Variants in EYS observed in about 807,000 individuals in gnomAD.
The protein encoded by EYS is protein eyes shut homolog.
A neutral mutation model predicts 282.1 loss-of-function variants in EYS; 250 were observed. The ratio of observed to expected loss-of-function variants is 0.89; its 90% CI spans 0.80 to 0.98. EYS has a LOEUF of 0.98. Among genes scored for constraint, EYS ranks in the 50% least tolerant of loss-of-function variants. EYS has a pLI of 0.00. For missense variants in EYS, 4,016 were observed against 3,709.0 expected, an observed-to-expected ratio of 1.08 and a Z score of -2.15; for synonymous variants, 1,355 against 1,282.9, an observed-to-expected ratio of 1.06 and a Z score of -1.20.
intron 14 of EYS, among the ~76,000 whole-genome samples, chr6:64,965,131 C>T (rs1006432049): frequency 1.3e-5 from 2 of 152,084 alleles, no homozygotes; most frequent in Non-Finnish European, 2.9e-5. Flanking sequence ...AATATTAAAA[C>T]TGCAAAATTG....
At chr6:65,601,869 A>G (rs1765627748) in intron 2 of EYS, among the ~76,000 whole-genome samples, 1 of 151,996 alleles carries the variant, frequency 6.6e-6, no homozygotes, top group South Asian at 2.1e-4. Flanking sequence ...ATCAAAACAT[A>G]TAATTAGTTT....
At chr6:64,089,422 T>C (rs1385764974) in intron 31 of EYS, among the ~76,000 whole-genome samples, 2 of 149,578 alleles carry the variant, frequency 1.3e-5, no homozygotes, top group Non-Finnish European at 3.0e-5. Context: ...TTTATAATTT[T>C]CAGTGATTAC....
chr6:65,017,694 CTCATA>C (rs1772099263), intron 13 of EYS, among the ~76,000 whole-genome samples: 1 of 152,194 alleles, frequency 6.6e-6, no homozygotes, highest in Non-Finnish European at 1.5e-5. Flanking sequence ...TCACTCCACA[CTCATA>C]TCTGAGCACA....
At chr6:64,229,229 C>A (rs1426072549) in intron 31 of EYS, among the ~76,000 whole-genome samples, 2 of 152,114 alleles carry the variant, frequency 1.3e-5, no homozygotes, top group African/African-American at 2.4e-5. Context: ...GAGCCAAGAT[C>A]ATGCCATTGC....
At chr6:64,371,511 A>T (rs1228364918) in intron 29 of EYS, among the ~76,000 whole-genome samples, 3 of 152,040 alleles carry the variant, frequency 2.0e-5, no homozygotes, top group African/African-American at 7.2e-5. Flanking sequence ...GGAGAGTTCT[A>T]TAGTATGTTT....
At chr6:65,183,747 T>C (rs1765449542) in intron 12 of EYS, among the ~76,000 whole-genome samples, 1 of 151,858 alleles carries the variant, frequency 6.6e-6, no homozygotes, top group Admixed American at 6.6e-5. Context: ...AAATGTGTCA[T>C]ATAGATGGAG....
intron 5 of EYS, among the ~76,000 whole-genome samples, chr6:65,456,384 A>T (rs1268657880): frequency 6.6e-6 from 1 of 151,424 alleles, no homozygotes; most frequent in East Asian, 2.0e-4. Context: ...TGAGAGGCGG[A>T]GGTTGCAGTG....
intron 10 of EYS, among the ~76,000 whole-genome samples, chr6:65,343,534 C>A (rs1303578381): frequency 6.6e-6 from 1 of 151,004 alleles, no homozygotes; most frequent in East Asian, 2.0e-4. Flanking sequence ...AAAAGGAGGG[C>A]CTCTCTTTTA....
At chr6:64,730,012 G>A (rs1271450305) in intron 22 of EYS, among the ~76,000 whole-genome samples, 1 of 152,158 alleles carries the variant, frequency 6.6e-6, no homozygotes, top group African/African-American at 2.4e-5. Flanking sequence ...AAAAATCTTA[G>A]GAATGTTATT....
At chr6:64,647,774 G>A (rs891286578) in intron 22 of EYS, among the ~76,000 whole-genome samples, 1 of 151,694 alleles carries the variant, frequency 6.6e-6, no homozygotes, top group Non-Finnish European at 1.5e-5. Flanking sequence ...TACTTCAAAC[G>A]GCATTTGTTA....
intron 12 of EYS, among the ~76,000 whole-genome samples, chr6:65,119,162 C>T (rs1775458123): frequency 6.6e-6 from 1 of 152,102 alleles, no homozygotes; most frequent in Non-Finnish European, 1.5e-5. Flanking sequence ...TACTTTTATA[C>T]ACTTAAAGCT....
chr6:65,466,564 C>T lies in EYS; in HGVS notation c.862+24030G>A, dbSNP rs1053340474. Among the ~76,000 whole-genome samples the T allele has an allele frequency of 3.2e-4, 49 of 151,454 alleles. 1 individual carries two copies. Among genetic ancestry groups the T allele is most frequent in the African/African-American group, 1.1e-3 (47 of 41,292 alleles). ...CACTGTTACAACCATTTACTACTGTCCTAGAGGTCTTGGTCAAACCAAAAT... is the reference window on the plus strand; with the variant it reads ...CACTGTTACAACCATTTACTACTGTTCTAGAGGTCTTGGTCAAACCAAAAT... On this transcript the variant is annotated intron_variant, in intron 5 of 42. Transcript: ENST00000503581.
intron 30 of EYS, among the ~76,000 whole-genome samples, chr6:64,238,310 G>C (rs1374920247): frequency 6.6e-6 from 1 of 152,094 alleles, no homozygotes; most frequent in Non-Finnish European, 1.5e-5. Flanking sequence ...CAGTATGAAG[G>C]GTGGATATTT....
intron 30 of EYS, among the ~76,000 whole-genome samples, chr6:64,266,408 C>T (rs1347083579): frequency 1.3e-5 from 2 of 151,988 alleles, no homozygotes; most frequent in South Asian, 4.2e-4. Flanking sequence ...TAAAAAAACC[C>T]GAGTGAGTAA....
intron 26 of EYS, among the ~76,000 whole-genome samples, chr6:64,453,951 T>C (rs1310122142): frequency 6.6e-6 from 1 of 151,968 alleles, no homozygotes; most frequent in African/African-American, 2.4e-5. Flanking sequence ...GGCACATATA[T>C]ACATATGTAA....
At position 64,032,525 on chromosome 6, in the gene EYS, A is replaced by G. The variant is rs145078419; in HGVS notation, c.6726-33342T>C. Among the ~76,000 whole-genome samples the G allele has an allele frequency of 9.2e-3, 1,406 of 152,290 alleles. 7 individuals are homozygous for G. Among genetic ancestry groups the G allele is most frequent in the Non-Finnish European group, 0.013 (895 of 68,024 alleles). On this transcript the variant is annotated intron_variant, in intron 33 of 42. Transcript: ENST00000503581. ...TCCTACAATTTAACTCAGTTCTGAC[A>G]CTATCTGGAGTTAGCACAGACCCTA...
chr6:65,340,520 G>C (rs563044027), intron 10 of EYS, among the ~76,000 whole-genome samples: 2 of 151,026 alleles, frequency 1.3e-5, no homozygotes, highest in African/African-American at 4.8e-5. Context: ...ACATAAGACT[G>C]TGAACCAACT....
intron 10 of EYS, among the ~76,000 whole-genome samples, chr6:65,341,085 G>A (rs1055314783): frequency 4.0e-5 from 6 of 151,120 alleles, no homozygotes; most frequent in African/African-American, 7.3e-5. Context: ...TTTCAGGTGA[G>A]TCTATAAGAG....
intron 26 of EYS, among the ~76,000 whole-genome samples, chr6:64,444,775 G>T (rs1561998416): frequency 6.6e-6 from 1 of 152,274 alleles, no homozygotes; most frequent in Non-Finnish European, 1.5e-5. Flanking sequence ...ATTCATGAAT[G>T]GCTTGGTGCC....
Sources: allele counts gnomAD v4.1 joint callset (sites outside exome capture counted in the v4.1 genomes callset), GRCh38; gene constraint gnomAD v4.1.1; transcripts MANE v1.5; gene names NCBI Gene and HGNC (gene_info 2026-07-23, HGNC 2026-07-21).